Variants in MGA observed in about 807,000 individuals in gnomAD.
MGA encodes the protein MAX dimerization protein MGA, also known as MAX gene-associated protein.
In MGA, 40 loss-of-function variants were observed where a neutral mutation model predicts 261.1. The ratio of observed to expected loss-of-function variants is 0.15; its 90% confidence interval spans 0.12 to 0.20. The LOEUF is 0.20. MGA is among the 10% of genes least tolerant of loss of function. MGA has a pLI of 1.00. For missense variants in MGA, 3,397 were observed against 3,630.5 expected (o/e 0.94, Z 1.65); for synonymous variants, 1,302 against 1,290.6 (o/e 1.01, Z -0.19).
Position 41,716,323 on chromosome 15 carries a change from G to A in MGA, c.3430+2827G>A, listed in dbSNP as rs1319090608. On this transcript the variant is annotated intron_variant, in intron 9 of 23. Transcript: ENST00000219905. Reference sequence around the variant, plus strand: ...AAAAAAATTAGCCAGGCGTGGTGGCGGGCACCTGTAGTCCCAGCTACTCCG... The same window carrying A: ...AAAAAAATTAGCCAGGCGTGGTGGCAGGCACCTGTAGTCCCAGCTACTCCG... Among the ~76,000 whole-genome samples, 7 of 151,876 alleles carry A rather than the reference G, an allele frequency of 4.6e-5. No homozygotes were observed. The East Asian group carries it at 5.8e-4, about 13-fold the overall frequency.
At position 41,622,768 on chromosome 15, in the gene MGA, T is replaced by C. The variant is rs199975885; in HGVS notation, c.-68+1470T>C. 4.2e-4 allele frequency among the ~76,000 whole-genome samples: 64 copies of C among 152,312 alleles called. 1 individual carries two copies. In the South Asian group the frequency reaches 8.9e-3, roughly 21 times the overall value. The stretch of plus-strand genomic sequence containing the variant: ...CTGGTACCCACCAGCCTTTGGTATT[T>C]TTCTTGGTCTCTCCTCCCAGTTCTA... On this transcript the variant is annotated intron_variant, in intron 1 of 8. Coordinates refer to the MGA transcript ENST00000566718.
Position 41,749,668 on chromosome 15 carries a change from C to T in MGA, c.6061C>T (p.Leu2021=), listed in dbSNP as rs2062723113. Residue 2021 remains leucine (L), a synonymous_variant, in exon 17 of 24, where the codon CTG becomes TTG. Transcript: ENST00000219905. The stretch of plus-strand genomic sequence containing the variant: ...AGGAGCTGCTACCTCAGAAGAAACT[C>T]TGAATGATTCCTTGGAAGATAGGGG... 3 of 1,613,872 alleles carry T rather than the reference C, an allele frequency of 1.9e-6. No homozygotes were observed. Among genetic ancestry groups the T allele is most frequent in the Admixed American group, 3.3e-5 (2 of 60,004 alleles).
chr15:41,706,585 C>CTT (rs11407130), intron 5 of MGA, among the ~76,000 whole-genome samples: 34,576 of 136,414 alleles, frequency 0.25, 4,914 homozygotes, highest in Middle Eastern at 0.42. Flanking sequence ...TTTTTTTTCC[C>CTT]TTTTTTTTTT....
At chr15:41,692,844 TG>T (rs1198549313) in intron 2 of MGA, among the ~76,000 whole-genome samples, 3 of 152,190 alleles carry the variant, frequency 2.0e-5, no homozygotes, top group Non-Finnish European at 4.4e-5. Flanking sequence ...CCCGAGTAGC[TG>T]GGATTACAGG....
intron 5 of MGA, among the ~76,000 whole-genome samples, chr15:41,706,868 C>G (rs2060144249): frequency 6.6e-6 from 1 of 152,152 alleles, no homozygotes; most frequent in South Asian, 2.1e-4. Flanking sequence ...GCCACCAGCT[C>G]CGGCCAATAA....
Position 41,669,351 on chromosome 15 carries a change from T to C in MGA, c.457T>C (p.Leu153=), listed in dbSNP as rs1216325694. The C allele has an allele frequency of 9.3e-6, 15 of 1,613,868 alleles. No individual in the cohort carries two copies. The Admixed American group carries it at 2.3e-4, about 25-fold the overall frequency. Reference sequence around the variant, plus strand: ...TAGTGGGAAGGCTGAACCTCATGTTTTGGGGAGGGTTTTCATTCATCCAGA... The same window carrying C: ...TAGTGGGAAGGCTGAACCTCATGTTCTGGGGAGGGTTTTCATTCATCCAGA... Residue 153 remains leucine (L), a synonymous_variant, in exon 2 of 24, where the codon TTG becomes CTG. Coordinates refer to ENST00000219905, the MANE Select transcript of MGA (RefSeq NM_001164273.2).
intron 10 of MGA, 146 bp from the exon 11 acceptor site, chr15:41,729,018 A>G (rs1252163166): frequency 2.6e-6 from 2 of 780,460 alleles, no homozygotes; most frequent in East Asian, 2.7e-5. Context: ...GCACATATGA[A>G]CTGTACTTGT....
chr15:41,640,796 C>T (rs939128868), intron 1 of MGA, among the ~76,000 whole-genome samples: 4 of 152,164 alleles, frequency 2.6e-5, no homozygotes, highest in Non-Finnish European at 4.4e-5. Context: ...GGATTATAGG[C>T]GTGAGCCACT....
chr15:41,671,857 A>C (rs976546409), intron 2 of MGA, among the ~76,000 whole-genome samples: 7 of 152,174 alleles, frequency 4.6e-5, no homozygotes, highest in African/African-American at 1.7e-4. Flanking sequence ...GTGCTGCTCA[A>C]GCAATGCATA....
chr15:41,645,162 T>A (rs2056911241), intron 1 of MGA, among the ~76,000 whole-genome samples: 2 of 152,226 alleles, frequency 1.3e-5, no homozygotes, highest in Non-Finnish European at 2.9e-5. Flanking sequence ...CTGTTATTAT[T>A]TATCTGTATG....
intron 19 of MGA, 73 bp downstream of exon 19, chr15:41,757,912 C>A: frequency 7.4e-7 from 1 of 1,353,366 alleles, no homozygotes; most frequent in Non-Finnish European, 1.0e-6. Flanking sequence ...GTTGAAACAA[C>A]ATTAGCTATA....
At position 41,736,639 on chromosome 15, in the gene MGA, G is replaced by A. The variant is rs2061791642; in HGVS notation, c.4375G>A (p.Ala1459Thr). The A allele has an allele frequency of 1.2e-6, 2 of 1,613,898 alleles. No homozygotes were observed. Among genetic ancestry groups the A allele is most frequent in the Non-Finnish European group, 1.7e-6 (2 of 1,179,832 alleles). ...GCCTTTTTATGCAGGGCTTTCTCCT[G>A]CAGGGAAGCTTGTGGCCTATAAACG... The change falls in exon 13 of 24, where the codon GCA becomes ACA. Residue 1459 changes from alanine to threonine, a missense_variant. Physicochemically the swap from Ala to Thr is moderately conservative, Grantham distance 58. Transcript: ENST00000219905.
chr15:41,733,039 A>G (rs1274674179), intron 11 of MGA, among the ~76,000 whole-genome samples: 1 of 152,102 alleles, frequency 6.6e-6, no homozygotes, highest in East Asian at 1.9e-4. Context: ...GTTCACTGCA[A>G]CCACCGTCTC....
rs914075989 is a variant in MGA at position 41,678,879 on chromosome 15, G to C, written c.1064+8921G>C. 1.3e-5 allele frequency among the ~76,000 whole-genome samples: 2 copies of C among 151,876 alleles called. 1 individual carries two copies. The highest frequency in any genetic ancestry group is 4.1e-4 in the South Asian group (2 of 4,824). ...GTGCAGATTGATTTCTCAGCTCTCT[G>C]TATTCTGTTCGCCTATATGTTTATG... On this transcript the variant is annotated intron_variant, in intron 2 of 23. Transcript: ENST00000219905.
chr15:41,665,557 G>GGAGT (rs1317214287), intron 1 of MGA, among the ~76,000 whole-genome samples: 15 of 151,992 alleles, frequency 9.9e-5, no homozygotes, highest in Non-Finnish European at 2.1e-4. Flanking sequence ...TTGTAGAGAT[G>GGAGT]GAGTCTCACT....
intron 2 of MGA, among the ~76,000 whole-genome samples, chr15:41,679,109 C>T (rs966766273): frequency 1.4e-5 from 2 of 147,624 alleles, no homozygotes; most frequent in East Asian, 2.0e-4. Context: ...GATCTCGGCT[C>T]GCTGCAACCT....
Position 41,734,643 on chromosome 15 carries a change from T to C in MGA, c.3916+49T>C, listed in dbSNP as rs796299892. 7.4e-6 allele frequency: 10 copies of C among 1,347,818 alleles called. No homozygotes were observed. In the African/African-American group the frequency reaches 1.3e-4, roughly 18 times the overall value. The allele number at this position is 1,347,818 out of a possible 1,614,324, so 83.5% of individuals were successfully genotyped here. Reference sequence around the variant, plus strand: ...ACATTTGATAAAAATTATTTAGGTCTAGATTATAGTAATAATGGGAGAAAA... The same window carrying C: ...ACATTTGATAAAAATTATTTAGGTCCAGATTATAGTAATAATGGGAGAAAA... On this transcript the variant is annotated intron_variant, in intron 12 of 23. Coordinates refer to ENST00000219905, the MANE Select transcript of MGA (RefSeq NM_001164273.2).
upstream of MGA, among the ~76,000 whole-genome samples, chr15:41,657,061 T>C (rs1198858071): frequency 2.6e-5 from 4 of 152,326 alleles, no homozygotes; most frequent in East Asian, 7.7e-4. Context: ...ATTACAGGCG[T>C]GAACCACTGC....
intron 2 of MGA, among the ~76,000 whole-genome samples, chr15:41,674,496 C>G (rs1192596941): frequency 1.3e-5 from 2 of 152,022 alleles, no homozygotes; most frequent in African/African-American, 2.4e-5. Context: ...CTATGCCCAG[C>G]TTAATAGTGA....
Sources: allele counts gnomAD v4.1 joint callset (sites outside exome capture counted in the v4.1 genomes callset), GRCh38; gene constraint gnomAD v4.1.1; transcripts MANE v1.5; gene names NCBI Gene and HGNC (gene_info 2026-07-23, HGNC 2026-07-21).